ZNRF2: variants seen among roughly 807,000 people sequenced by gnomAD.
ZNRF2 encodes the protein zinc and ring finger 2.
ZNRF2 carries 16 observed loss-of-function variants against 20.4 expected under a neutral mutation model. The ratio of observed to expected loss-of-function variants is 0.79; its 90% CI spans 0.53 to 1.19. The LOEUF is 1.19. ZNRF2 is among the 50% of genes most tolerant of loss of function. The probability of loss-of-function intolerance (pLI) is 0.00; values close to 1 mark genes in which losing one functional copy is unlikely to be tolerated. For synonymous variants in ZNRF2, 178 were observed against 144.9 expected (o/e 1.23, Z -1.64); for missense variants, 363 against 332.4 (o/e 1.09, Z -0.72).
At chr7:30,351,706 T>C (rs777302816) in intron 2 of ZNRF2, among the ~76,000 whole-genome samples, 7 of 151,998 alleles carry the variant, frequency 4.6e-5, no homozygotes, top group Non-Finnish European at 8.8e-5. Context: ...GTAAGTTACT[T>C]TACTTCTTTG....
At chr7:30,342,573 G>C (rs182835766) in intron 2 of ZNRF2, among the ~76,000 whole-genome samples, 1 of 152,102 alleles carries the variant, frequency 6.6e-6, no homozygotes, top group Non-Finnish European at 1.5e-5. Flanking sequence ...GGCTTGTAGG[G>C]TTTCTGCAGA....
intron 2 of ZNRF2, among the ~76,000 whole-genome samples, chr7:30,324,199 C>G (rs1799517321): frequency 6.6e-6 from 1 of 151,762 alleles, no homozygotes; most frequent in African/African-American, 2.4e-5. Flanking sequence ...CTTGTGTCCT[C>G]TGGAAAACTC....
chr7:30,294,802 C>T, intron 1 of ZNRF2, among the ~76,000 whole-genome samples: 1 of 151,794 alleles, frequency 6.6e-6, no homozygotes, highest in Middle Eastern at 3.2e-3. Flanking sequence ...AAAAGTATTG[C>T]ACCATGGTCA....
intron 2 of ZNRF2, among the ~76,000 whole-genome samples, chr7:30,351,720 C>T (rs1269868249): frequency 6.6e-6 from 1 of 151,934 alleles, no homozygotes; most frequent in African/African-American, 2.4e-5. Flanking sequence ...TTCTTTGAGC[C>T]TCAGTTTCCT....
chr7:30,287,370 T>TGAA, intron 1 of ZNRF2, among the ~76,000 whole-genome samples: 1 of 152,368 alleles, frequency 6.6e-6, no homozygotes, highest in Non-Finnish European at 1.5e-5. Context: ...TATTAGAAGA[T>TGAA]GAATATTTAA....
At chr7:30,300,119 T>C (rs1583569040) in intron 1 of ZNRF2, among the ~76,000 whole-genome samples, 1 of 151,276 alleles carries the variant, frequency 6.6e-6, no homozygotes, top group East Asian at 2.0e-4. Flanking sequence ...ATTTAGAGGA[T>C]TTTTTCATGG....
intron 1 of ZNRF2, among the ~76,000 whole-genome samples, chr7:30,293,383 G>T (rs758123168): frequency 4.6e-5 from 7 of 151,868 alleles, no homozygotes; most frequent in Non-Finnish European, 1.0e-4. Context: ...CAAGTAGCTG[G>T]GATTACAGGT....
At chr7:30,333,570 A>G (rs753213091) in intron 2 of ZNRF2, among the ~76,000 whole-genome samples, 69 of 151,998 alleles carry the variant, frequency 4.5e-4, no homozygotes, top group Middle Eastern at 3.4e-3. Flanking sequence ...GGGTTTCACC[A>G]TGTTGGCCAG....
chr7:30,361,866 A>C (rs554709210), intron 3 of ZNRF2, among the ~76,000 whole-genome samples: 9 of 152,332 alleles, frequency 5.9e-5, no homozygotes, highest in East Asian at 1.9e-4. Flanking sequence ...TCCTAAATAC[A>C]AATGATTAAT....
intron 3 of ZNRF2, 45 bp from the exon 4 acceptor site, chr7:30,362,332 A>G: frequency 7.6e-7 from 1 of 1,308,334 alleles, no homozygotes; most frequent in East Asian, 2.4e-5. Context: ...TTATATAAAT[A>G]ATTAGTATAA....
At chr7:30,342,048 C>CTTTTT (rs755404064) in intron 2 of ZNRF2, among the ~76,000 whole-genome samples, 1 of 132,678 alleles carries the variant, frequency 7.5e-6, no homozygotes, top group African/African-American at 2.8e-5. Flanking sequence ...TCAACCCCTG[C>CTTTTT]TTTTTTTTTT....
intron 3 of ZNRF2, among the ~76,000 whole-genome samples, chr7:30,358,305 A>T (rs983293662): frequency 6.6e-6 from 1 of 152,240 alleles, no homozygotes; most frequent in Non-Finnish European, 1.5e-5. Flanking sequence ...CTATAACATT[A>T]ATGTCAACAG....
At chr7:30,363,679 T>A (rs1001541539) in intron 4 of ZNRF2, among the ~76,000 whole-genome samples, 1 of 152,230 alleles carries the variant, frequency 6.6e-6, no homozygotes, top group Non-Finnish European at 1.5e-5. Context: ...TTCTACTGAT[T>A]TAAGTTTTTC....
chr7:30,355,930 C>A, intron 3 of ZNRF2, 97 bp downstream of exon 3: 1 of 772,894 alleles, frequency 1.3e-6, no homozygotes, highest in South Asian at 1.7e-5. Context: ...AAACCACCCC[C>A]TCCCTGTCTC....
intron 2 of ZNRF2, among the ~76,000 whole-genome samples, chr7:30,324,679 G>A (rs1398745845): frequency 6.6e-6 from 1 of 152,122 alleles, no homozygotes; most frequent in Admixed American, 6.5e-5. Flanking sequence ...TACTGTACAA[G>A]ATTCTTTGGA....
intron 1 of ZNRF2, among the ~76,000 whole-genome samples, chr7:30,318,682 C>A (rs1328256191): frequency 6.6e-6 from 1 of 152,116 alleles, no homozygotes; most frequent in Admixed American, 6.5e-5. Flanking sequence ...ACTGGAGATA[C>A]AAAGAAAAAT....
intron 2 of ZNRF2, among the ~76,000 whole-genome samples, chr7:30,352,403 G>A (rs548024665): frequency 2.0e-5 from 3 of 152,022 alleles, no homozygotes; most frequent in South Asian, 4.1e-4. Context: ...GTTAAAAATC[G>A]TAATCATTGC....
intron 1 of ZNRF2, among the ~76,000 whole-genome samples, chr7:30,320,453 A>C (rs1407826353): frequency 6.6e-6 from 1 of 152,204 alleles, no homozygotes; most frequent in Non-Finnish European, 1.5e-5. Context: ...TACAGTTTTA[A>C]GAGTGCTTTA....
chr7:30,316,269 CAA>C (rs1238615667), intron 1 of ZNRF2, among the ~76,000 whole-genome samples: 5 of 80,584 alleles, frequency 6.2e-5, no homozygotes, highest in African/African-American at 2.3e-4. Context: ...GCCTGGGCAA[CAA>C]GAGCGAAACT....
Sources: gnomAD v4.1 joint callset for allele counts (sites outside exome capture counted in the v4.1 genomes callset) on GRCh38, gnomAD v4.1.1 for gene constraint, MANE v1.5 for transcripts, NCBI Gene and HGNC (gene_info 2026-07-23, HGNC 2026-07-21) for gene names.